ADAMTS12: variants seen among roughly 807,000 people sequenced by gnomAD.
The protein encoded by ADAMTS12 is A disintegrin and metalloproteinase with thrombospondin motifs 12.
Under a neutral mutation model 167.8 loss-of-function variants are expected in ADAMTS12, and 118 were observed. That is an observed-to-expected ratio of 0.70 (90% confidence interval 0.61 to 0.82). ADAMTS12 has a LOEUF of 0.82. Among genes scored for constraint, ADAMTS12 ranks in the 40% least tolerant of loss-of-function variants. The probability of loss-of-function intolerance (pLI) is 0.00; values close to 1 mark genes in which losing one functional copy is unlikely to be tolerated. For synonymous variants in ADAMTS12, 704 were observed against 716.9 expected (o/e 0.98, Z 0.29); for missense variants, 1,916 against 1,998.8 (o/e 0.96, Z 0.79).
In ADAMTS12 at chr5:33,579,981, A is replaced by G. The variant is rs893271701; in HGVS notation, c.2866-2821T>C. On this transcript the variant is annotated intron_variant, in intron 18 of 23. Transcript: ENST00000504830. ...GTCTTGGTGAGGTAGGTGCAGGCAC[A>G]TGTCTACAAGATACTGTGGAGATCC... is the stretch of plus-strand genomic sequence containing the variant. Among the ~76,000 whole-genome samples the G allele has an allele frequency of 4.8e-5, 7 of 144,930 alleles. No homozygotes were observed. The East Asian group carries it at 1.5e-3, about 31-fold the overall frequency.
At chr5:33,694,158 C>T (rs193130180) in intron 3 of ADAMTS12, among the ~76,000 whole-genome samples, 1 of 152,118 alleles carries the variant, frequency 6.6e-6, no homozygotes, top group East Asian at 1.9e-4. Flanking sequence ...TCAAAGATGA[C>T]ACAAACAAAT....
At chr5:33,865,435 C>G (rs1057415971) in intron 2 of ADAMTS12, among the ~76,000 whole-genome samples, 10 of 151,890 alleles carry the variant, frequency 6.6e-5, no homozygotes, top group Non-Finnish European at 1.0e-4. Context: ...TGATAAAAAC[C>G]CTCAACAAAC....
intron 13 of ADAMTS12, among the ~76,000 whole-genome samples, chr5:33,625,152 TAAATAC>T (rs1739523459): frequency 6.6e-6 from 1 of 152,116 alleles, no homozygotes; most frequent in Admixed American, 6.6e-5. Context: ...TTTGAGTCTT[TAAATAC>T]ACCCTCTACC....
chr5:33,702,043 A>G (rs34072171), intron 3 of ADAMTS12, among the ~76,000 whole-genome samples: 44,089 of 152,124 alleles, frequency 0.29, 7,756 homozygotes, highest in Non-Finnish European at 0.4. Flanking sequence ...TTTCTATTTC[A>G]CAGATGGCTA....
At chr5:33,532,921 G>A (rs1033143400) in intron 23 of ADAMTS12, among the ~76,000 whole-genome samples, 1 of 152,168 alleles carries the variant, frequency 6.6e-6, no homozygotes, top group African/African-American at 2.4e-5. Context: ...AGGGTGGGTG[G>A]CTGGTTTCTT....
At chr5:33,796,057 T>A (rs1428639216) in intron 2 of ADAMTS12, among the ~76,000 whole-genome samples, 3 of 152,260 alleles carry the variant, frequency 2.0e-5, no homozygotes. Flanking sequence ...ATGTTGCCTG[T>A]GGCATTGTTT....
chr5:33,573,535 C>G (rs2111949215), intron 19 of ADAMTS12, among the ~76,000 whole-genome samples: 1 of 152,272 alleles, frequency 6.6e-6, no homozygotes, highest in East Asian at 1.9e-4. Context: ...GGAAAACTGG[C>G]TAGCCATATG....
intron 2 of ADAMTS12, among the ~76,000 whole-genome samples, chr5:33,775,560 T>C (rs1745885344): frequency 6.6e-6 from 1 of 152,210 alleles, no homozygotes; most frequent in Non-Finnish European, 1.5e-5. Context: ...CAGTATGCAT[T>C]TCCTCAGAGA....
chr5:33,616,027 C>T lies in ADAMTS12; in HGVS notation c.2189G>A (p.Arg730Lys), dbSNP rs771578518. The T allele has an allele frequency of 6.2e-7, 1 of 1,614,192 alleles. No homozygotes were observed. Among genetic ancestry groups the T allele is most frequent in the Non-Finnish European group, 8.5e-7 (1 of 1,180,012 alleles). Residue 730 changes from arginine (R) to lysine (K), a missense_variant, in exon 15 of 24, where the codon AGA becomes AAA. Coordinates refer to ENST00000504830, the MANE Select transcript of ADAMTS12 (RefSeq NM_030955.4). ...TCCAGCTCCCTCAATTTCCATCACTCTTATGTCCCTTGCTCCTTTTGGAAT... is the reference window on the plus strand; with the variant it reads ...TCCAGCTCCCTCAATTTCCATCACTTTTATGTCCCTTGCTCCTTTTGGAAT... ...GLIPKGARDI[R>K]VMEIEGAGNF... is the part of the protein sequence containing the mutation.
At chr5:33,772,939 A>AT (rs1316636048) in intron 2 of ADAMTS12, among the ~76,000 whole-genome samples, 1 of 152,196 alleles carries the variant, frequency 6.6e-6, no homozygotes, top group Non-Finnish European at 1.5e-5. Flanking sequence ...AATCAATTCC[A>AT]TTTGGGAAGG....
intron 22 of ADAMTS12, among the ~76,000 whole-genome samples, chr5:33,543,039 T>C (rs953808650): frequency 2.0e-5 from 3 of 152,098 alleles, no homozygotes; most frequent in African/African-American, 7.2e-5. Context: ...GAGATAGAGA[T>C]ACAACAAACC....
chr5:33,695,875 A>G (rs1035154535), intron 3 of ADAMTS12, among the ~76,000 whole-genome samples: 1 of 152,208 alleles, frequency 6.6e-6, no homozygotes, highest in Non-Finnish European at 1.5e-5. Context: ...TGTTATGTAT[A>G]TGTTACCAAA....
At chr5:33,609,223 C>T (rs1273665266) in intron 16 of ADAMTS12, among the ~76,000 whole-genome samples, 1 of 152,030 alleles carries the variant, frequency 6.6e-6, no homozygotes, top group East Asian at 1.9e-4. Flanking sequence ...GTTAAACTCC[C>T]TATGTGAAAT....
chr5:33,668,416 A>G (rs930305541), intron 5 of ADAMTS12, among the ~76,000 whole-genome samples: 3 of 152,234 alleles, frequency 2.0e-5, no homozygotes, highest in African/African-American at 7.2e-5. Context: ...TCTGATATTT[A>G]GTGGTCCTGG....
At chr5:33,857,809 T>C (rs1313455467) in intron 2 of ADAMTS12, among the ~76,000 whole-genome samples, 2 of 152,240 alleles carry the variant, frequency 1.3e-5, no homozygotes, top group African/African-American at 4.8e-5. Context: ...GACCTAAGTG[T>C]ATAGCAATCC....
rs573527117 is a variant in ADAMTS12 at position 33,602,198 on chromosome 5, G to A, written c.2528-6138C>T. Among the ~76,000 whole-genome samples the A allele has an allele frequency of 1.2e-3, 190 of 152,284 alleles. 1 individual carries two copies. The highest frequency in any genetic ancestry group is 4.3e-3 in the African/African-American group (180 of 41,544). On this transcript the variant is annotated intron_variant, in intron 16 of 23. Coordinates refer to ENST00000504830, the MANE Select transcript of ADAMTS12 (RefSeq NM_030955.4). ...AACTAAGGCCTTGAAATAAGGGCAG[G>A]ATAAATCTCCGCTGGCCGCACAGGG...
intron 3 of ADAMTS12, among the ~76,000 whole-genome samples, chr5:33,690,243 T>C (rs1742503985): frequency 6.6e-6 from 1 of 152,216 alleles, no homozygotes; most frequent in Middle Eastern, 3.2e-3. Flanking sequence ...TCATTTTTAC[T>C]CCACAAAAAG....
intron 2 of ADAMTS12, among the ~76,000 whole-genome samples, chr5:33,832,407 C>A (rs1311006781): frequency 6.6e-6 from 1 of 151,926 alleles, no homozygotes; most frequent in Non-Finnish European, 1.5e-5. Flanking sequence ...GAAAAAAAAA[C>A]CCTTTGGATA....
chr5:33,572,110 C>G (rs1477246573), intron 19 of ADAMTS12, among the ~76,000 whole-genome samples: 1 of 152,104 alleles, frequency 6.6e-6, no homozygotes, highest in East Asian at 1.9e-4. Flanking sequence ...TAATCAATAG[C>G]TTACCAACCA....
Sources: gnomAD v4.1 joint callset for allele counts (sites outside exome capture counted in the v4.1 genomes callset) on GRCh38, gnomAD v4.1.1 for gene constraint, MANE v1.5 for transcripts, NCBI Gene and HGNC (gene_info 2026-07-23, HGNC 2026-07-21) for gene names.